The following CST3 variants were observed in gnomAD, a reference collection of about 807,000 sequenced individuals.
CST3 encodes the protein cystatin C.
In CST3, 14 loss-of-function variants were observed where a neutral mutation model predicts 9.0. That is an observed-to-expected ratio of 1.56 (90% CI 1.03 to 2.44). The LOEUF (loss-of-function observed/expected upper bound fraction) is 2.44, where lower values mean the gene tolerates loss of function less well. CST3 is among the 30% of genes most tolerant of loss of function. The probability of loss-of-function intolerance (pLI) is 0.00; values close to 1 mark genes in which losing one functional copy is unlikely to be tolerated. For synonymous variants in CST3, 96 were observed against 90.2 expected, an observed-to-expected ratio of 1.06 and a Z score of -0.37; for missense variants, 237 against 204.3, an observed-to-expected ratio of 1.16 and a Z score of -0.98.
Position 23,637,543 on chromosome 20 carries a change from C to T in CST3, c.243+77G>A, listed in dbSNP as rs538536112. ...GCCCAGGCGCCGGAGAGGAGCAGCA[C>T]GGGGTCCGGGAGCAGCGCGGGGGGA... is the stretch of plus-strand genomic sequence containing the variant. On this transcript the variant is annotated intron_variant, in intron 1 of 2. Coordinates refer to ENST00000376925, the MANE Select transcript of CST3 (RefSeq NM_000099.4). The T allele has an allele frequency of 8.6e-5, 115 of 1,336,184 alleles. 1 individual carries two copies. The South Asian group carries it at 1.8e-3, about 21-fold the overall frequency. The allele number at this position is 1,336,184 out of a possible 1,614,324, so 82.8% of individuals were successfully genotyped here. A position where few individuals can be genotyped will look rare whatever the true frequency, so the allele number is the denominator to read the frequency against.
chr20:23,628,044 CAT>C (rs1370141240), exon 4 of CST3: 4 of 151,720 alleles, frequency 2.6e-5, no homozygotes, highest in East Asian at 1.9e-4. Context: ...TTTTTCCTAT[CAT>C]GTGTGTTGTT....
chr20:23,636,496 G>C (rs560525633), intron 1 of CST3, among the ~76,000 whole-genome samples: 1 of 152,188 alleles, frequency 6.6e-6, no homozygotes, highest in African/African-American at 2.4e-5. Flanking sequence ...TGGGATGTAG[G>C]GGGTGGTCAG....
At chr20:23,631,530 T>A (rs1383166416), downstream of CST3, among the ~76,000 whole-genome samples, 2 of 152,204 alleles carry the variant, frequency 1.3e-5, no homozygotes, top group African/African-American at 4.8e-5. Context: ...TATTACAACT[T>A]TCTTTCTAAG....
At chr20:23,627,973 G>GT (rs545723359) in exon 4 of CST3, 37 of 151,936 alleles carry the variant, frequency 2.4e-4, no homozygotes, top group Non-Finnish European at 4.4e-4. Flanking sequence ...TTATTGAGTT[G>GT]TAAGAGTTCA....
At chr20:23,637,499 A>C (rs1277065508) in intron 1 of CST3, 121 bp downstream of exon 1, 2 of 1,000,808 alleles carry the variant, frequency 2.0e-6, no homozygotes, top group Non-Finnish European at 2.7e-6. Context: ...GAAGACCGGG[A>C]ACAGGGTCCG....
chr20:23,633,508 C>G (rs1375152612), downstream of CST3: 1 of 345,942 alleles, frequency 2.9e-6, no homozygotes, highest in South Asian at 2.8e-5. Flanking sequence ...ACTCCTATAG[C>G]AGCAGCTTGC....
intron 1 of CST3, among the ~76,000 whole-genome samples, chr20:23,635,767 C>A (rs1017673968): frequency 6.6e-6 from 1 of 152,234 alleles, no homozygotes; most frequent in Non-Finnish European, 1.5e-5. Flanking sequence ...CCTCATTTCT[C>A]ACTAGGAGAT....
exon 4 of CST3, chr20:23,628,185 T>C (rs1979320536): frequency 6.6e-6 from 1 of 152,082 alleles, no homozygotes; most frequent in Non-Finnish European, 1.5e-5. Flanking sequence ...CCCCAAGAAA[T>C]TTGGTTGGTA....
chr20:23,637,518 G>A lies in CST3; in HGVS notation c.243+102C>T, dbSNP rs1043767859. Reference sequence around the variant, plus strand: ...ACCGGGAACAGGGTCCGGGTGAGAAGCCCAGGCGCCGGAGAGGAGCAGCAC... The same window carrying A: ...ACCGGGAACAGGGTCCGGGTGAGAAACCCAGGCGCCGGAGAGGAGCAGCAC... On this transcript the variant is annotated intron_variant, in intron 1 of 2. Transcript: ENST00000376925. 6 of 1,179,182 alleles carry A rather than the reference G, an allele frequency of 5.1e-6. No homozygotes were observed. In the South Asian group the frequency reaches 9.1e-5, roughly 18 times the overall value. The allele number at this position is 1,179,182 out of a possible 1,614,324, so 73.0% of individuals were successfully genotyped here.
At chr20:23,634,420 A>G (rs1979579025) in intron 2 of CST3, among the ~76,000 whole-genome samples, 2 of 152,200 alleles carry the variant, frequency 1.3e-5, no homozygotes, top group Admixed American at 1.3e-4. Flanking sequence ...AAGTCATAGC[A>G]CATGGGGTGG....
intron 2 of CST3, 49 bp from the exon 3 acceptor site, chr20:23,634,048 C>G (rs769597486): frequency 1.3e-6 from 2 of 1,483,024 alleles, no homozygotes; most frequent in Non-Finnish European, 1.9e-6. Flanking sequence ...CAGTTCAAAG[C>G]AGAAGATGCC....
At chr20:23,633,470 G>C (rs1979525933), downstream of CST3, among the ~76,000 whole-genome samples, 1 of 152,180 alleles carries the variant, frequency 6.6e-6, no homozygotes, top group Non-Finnish European at 1.5e-5. Context: ...CCCAGCCCCT[G>C]GCTGCTCTCC....
At chr20:23,626,937 C>T (rs1259689071) in exon 4 of CST3, 3 of 152,188 alleles carry the variant, frequency 2.0e-5, no homozygotes, top group Admixed American at 6.5e-5. Context: ...GAACATATGG[C>T]TGGAAATTAT....
In CST3 at chr20:23,637,631, C is replaced by T. The variant is rs1228200927; in HGVS notation, c.232G>A (p.Ala78Thr). ...YHSRALQVVR[A>T]RKQIVAGVNY... is the part of the protein sequence containing the mutation. ...GGGGCGGCACGCACCTGCTTGCGGGCGCGCACCACCTGCAGCGCGCGGCTG... is the reference window on the plus strand; with the variant it reads ...GGGGCGGCACGCACCTGCTTGCGGGTGCGCACCACCTGCAGCGCGCGGCTG... The change falls in exon 1 of 3, where the codon GCC (alanine) becomes ACC (threonine). Residue 78 changes from alanine (A) to threonine (T), a missense_variant. Ala to Thr is a moderately conservative substitution (Grantham distance 58). Coordinates refer to ENST00000376925, the MANE Select transcript of CST3 (RefSeq NM_000099.4). The T allele has an allele frequency of 2.6e-6, 4 of 1,520,722 alleles. No homozygotes were observed. Among genetic ancestry groups the T allele is most frequent in the African/African-American group, 1.4e-5 (1 of 69,292 alleles). 94.2% of individuals were successfully genotyped at this position (1,520,722 alleles called of 1,614,324 possible).
At chr20:23,637,419 G>A (rs1260682237) in intron 1 of CST3, among the ~76,000 whole-genome samples, 6 of 152,194 alleles carry the variant, frequency 3.9e-5, no homozygotes, top group Non-Finnish European at 8.8e-5. Context: ...TGACGTGTCC[G>A]TGCGGTTCCA....
chr20:23,629,635 CCTTTGGA>C (rs1979375524), downstream of CST3, among the ~76,000 whole-genome samples: 1 of 151,946 alleles, frequency 6.6e-6, no homozygotes, highest in Non-Finnish European at 1.5e-5. Flanking sequence ...CACAAAGGAG[CCTTTGGA>C]CTTGCTGAGG....
intron 2 of CST3, among the ~76,000 whole-genome samples, chr20:23,634,275 CT>C (rs1359261305): frequency 6.6e-6 from 1 of 152,160 alleles, no homozygotes; most frequent in African/African-American, 2.4e-5. Flanking sequence ...GAGGAGCAGC[CT>C]GTGCAAGGCC....
chr20:23,635,150 CA>C, intron 2 of CST3, 103 bp downstream of exon 2: 1 of 1,001,028 alleles, frequency 1.0e-6, no homozygotes, highest in Non-Finnish European at 1.6e-6. Flanking sequence ...CACACTCAGG[CA>C]CATGCACACG....
downstream of CST3, among the ~76,000 whole-genome samples, chr20:23,630,379 G>C (rs1979408111): frequency 1.3e-5 from 2 of 152,204 alleles, no homozygotes. Context: ...GACAGGATTT[G>C]GAAGTGACCC....
Sources: gnomAD v4.1 joint callset for allele counts (sites outside exome capture counted in the v4.1 genomes callset) on GRCh38, gnomAD v4.1.1 for gene constraint, MANE v1.5 for transcripts, NCBI Gene and HGNC (gene_info 2026-07-23, HGNC 2026-07-21) for gene names.